EFCAB11: variants seen among roughly 807,000 people sequenced by gnomAD.
The protein encoded by EFCAB11 is EF-hand calcium-binding domain-containing protein 11.
EFCAB11 carries 14 observed loss-of-function variants against 23.0 expected under a neutral mutation model. That is an observed-to-expected ratio of 0.61 (90% CI 0.40 to 0.95). The LOEUF (loss-of-function observed/expected upper bound fraction) is 0.95, where lower values mean the gene tolerates loss of function less well. EFCAB11 is among the 40% of genes least tolerant of loss of function. The pLI is 0.00. For synonymous variants in EFCAB11, 65 were observed against 66.6 expected (o/e 0.98, Z 0.11); for missense variants, 198 against 195.8 (o/e 1.01, Z -0.07).
chr14:89,890,943 G>A (rs1023889376), intron 5 of EFCAB11, among the ~76,000 whole-genome samples: 1 of 152,168 alleles, frequency 6.6e-6, no homozygotes, highest in Non-Finnish European at 1.5e-5. Context: ...CTGAGCAAAG[G>A]AGTAAGAGAA....
intron 5 of EFCAB11, among the ~76,000 whole-genome samples, chr14:89,853,346 C>G (rs1887652882): frequency 6.6e-6 from 1 of 152,150 alleles, no homozygotes; most frequent in Non-Finnish European, 1.5e-5. Flanking sequence ...AGAAAGCTTC[C>G]TCTACTATAT....
rs571596935 is a variant in EFCAB11 at position 89,898,428 on chromosome 14, G to A, written c.410+33113C>T. 4.6e-5 allele frequency among the ~76,000 whole-genome samples: 7 copies of A among 152,080 alleles called. No homozygotes were observed. The East Asian group carries it at 1.4e-3, about 29-fold the overall frequency. On this transcript the variant is annotated intron_variant, in intron 5 of 5. Transcript: ENST00000316738. ...TGAACAGGCTGGAATGCAGTGGCAC[G>A]ATCTCGGCTCACTGCAACCTCCACC...
chr14:89,865,162 C>T (rs1888045841), intron 5 of EFCAB11, among the ~76,000 whole-genome samples: 1 of 152,194 alleles, frequency 6.6e-6, no homozygotes, highest in South Asian at 2.1e-4. Context: ...AAGGGCAAGG[C>T]TGAAAGAACA....
intron 5 of EFCAB11, among the ~76,000 whole-genome samples, chr14:89,885,887 T>C (rs1371904765): frequency 1.3e-5 from 2 of 150,766 alleles, no homozygotes; most frequent in East Asian, 1.9e-4. Context: ...TTTTTCTTTT[T>C]TTTTCTTTGG....
Position 89,924,538 on chromosome 14 carries a change from A to G in EFCAB11, c.410+7003T>C. 7 of 1,499,500 alleles carry G rather than the reference A, an allele frequency of 4.7e-6. No homozygotes were observed. The South Asian group carries it at 8.9e-5, about 19-fold the overall frequency. The allele number at this position is 1,499,500 out of a possible 1,614,324, so 92.9% of individuals were successfully genotyped here. Reference sequence around the variant, plus strand: ...AATGAGATGGAGAAGGTTCCTAGGCATGGAGAAGTAAACATATCCATGCAG... The same window carrying G: ...AATGAGATGGAGAAGGTTCCTAGGCGTGGAGAAGTAAACATATCCATGCAG... On this transcript the variant is annotated intron_variant, in intron 5 of 5. Transcript: ENST00000316738.
intron 5 of EFCAB11, among the ~76,000 whole-genome samples, chr14:89,843,613 C>A (rs1194445805): frequency 1.3e-5 from 2 of 152,174 alleles, no homozygotes; most frequent in Admixed American, 1.3e-4. Flanking sequence ...TTCTTAAAGA[C>A]TAGCTGCAGT....
At chr14:89,825,219 T>C (rs568646008) in intron 5 of EFCAB11, among the ~76,000 whole-genome samples, 1 of 151,614 alleles carries the variant, frequency 6.6e-6, no homozygotes, top group East Asian at 1.9e-4. Flanking sequence ...ATTTGGAAAT[T>C]AAACAGTACA....
At chr14:89,885,075 G>A (rs542872078) in intron 5 of EFCAB11, among the ~76,000 whole-genome samples, 24 of 152,164 alleles carry the variant, frequency 1.6e-4, no homozygotes, top group Admixed American at 2.0e-4. Flanking sequence ...TACAACAGAC[G>A]GACTAGACTA....
chr14:89,901,772 A>G (rs1889345903), intron 5 of EFCAB11, among the ~76,000 whole-genome samples: 1 of 152,220 alleles, frequency 6.6e-6, no homozygotes, highest in Non-Finnish European at 1.5e-5. Flanking sequence ...AACACAATAC[A>G]GAATATAATA....
chr14:89,940,336 T>TA, intron 3 of EFCAB11, among the ~76,000 whole-genome samples: 1 of 152,110 alleles, frequency 6.6e-6, no homozygotes, highest in Non-Finnish European at 1.5e-5. Context: ...GGAGCCAAAA[T>TA]AAAAAACCAT....
intron 5 of EFCAB11, among the ~76,000 whole-genome samples, chr14:89,798,692 C>T (rs181242723): frequency 3.2e-4 from 49 of 152,234 alleles, no homozygotes; most frequent in African/African-American, 1.1e-3. Context: ...TGTGTGTGTG[C>T]GAGTGTGCTT....
In EFCAB11 at chr14:89,819,460, C is replaced by T. The variant is rs930862695; in HGVS notation, c.411-22136G>A. ...CTCCAGGCAAGGTCTCACTTTGTCA[C>T]CTAGGCTGGAGTGCAGTTGCATGGT... On this transcript the variant is annotated intron_variant, in intron 5 of 5. Transcript: ENST00000316738. 4.3e-5 allele frequency among the ~76,000 whole-genome samples: 3 copies of T among 69,418 alleles called. No homozygotes were observed. The African/African-American group carries it at 4.6e-4, about 11-fold the overall frequency. 45.5% of individuals were successfully genotyped at this position (69,418 alleles called of 152,430 possible).
chr14:89,875,287 A>G (rs921187781), intron 5 of EFCAB11, among the ~76,000 whole-genome samples: 1 of 152,226 alleles, frequency 6.6e-6, no homozygotes, highest in Non-Finnish European at 1.5e-5. Context: ...TACTATCATG[A>G]GAACAGCACT....
chr14:89,936,405 T>C (rs1224727900), intron 3 of EFCAB11, among the ~76,000 whole-genome samples: 1 of 152,212 alleles, frequency 6.6e-6, no homozygotes, highest in Non-Finnish European at 1.5e-5. Flanking sequence ...AGTCTTTAGC[T>C]TTTACTAGGA....
At chr14:89,868,794 C>T (rs771340943) in intron 5 of EFCAB11, among the ~76,000 whole-genome samples, 1 of 152,182 alleles carries the variant, frequency 6.6e-6, no homozygotes, top group Non-Finnish European at 1.5e-5. Flanking sequence ...TGTGACTTCC[C>T]TCATAGGTAC....
chr14:89,867,911 C>T (rs1566789998), intron 5 of EFCAB11, among the ~76,000 whole-genome samples: 1 of 152,086 alleles, frequency 6.6e-6, no homozygotes, highest in Admixed American at 6.6e-5. Context: ...AAGAAAGTTC[C>T]CCCCGCTTTT....
chr14:89,876,045 C>G (rs1008013091), intron 5 of EFCAB11, among the ~76,000 whole-genome samples: 2 of 152,120 alleles, frequency 1.3e-5, no homozygotes, highest in African/African-American at 4.8e-5. Context: ...CATTTGGCAA[C>G]TGGGAGGTTG....
At chr14:89,865,427 G>A (rs373759671) in intron 5 of EFCAB11, among the ~76,000 whole-genome samples, 13 of 152,264 alleles carry the variant, frequency 8.5e-5, no homozygotes, top group East Asian at 7.7e-4. Flanking sequence ...AGTCCTGGGC[G>A]TCTGAAGAGG....
At chr14:89,891,861 C>T (rs1311028389) in intron 5 of EFCAB11, among the ~76,000 whole-genome samples, 2 of 152,020 alleles carry the variant, frequency 1.3e-5, no homozygotes, top group African/African-American at 4.8e-5. Flanking sequence ...GTGGGCAAGA[C>T]GTCGCTGCTG....
Sources: gnomAD v4.1 joint callset for allele counts (sites outside exome capture counted in the v4.1 genomes callset) on GRCh38, gnomAD v4.1.1 for gene constraint, MANE v1.5 for transcripts, NCBI Gene and HGNC (gene_info 2026-07-23, HGNC 2026-07-21) for gene names.